The following DOCK9 variants were observed in gnomAD, a reference collection of about 807,000 sequenced individuals.
The protein encoded by DOCK9 is dedicator of cytokinesis 9, also known as dedicator of cytokinesis protein 9.
Under a neutral mutation model 263.3 loss-of-function variants are expected in DOCK9, and 89 were observed. That is an observed-to-expected ratio of 0.34 (90% CI 0.28 to 0.40). The LOEUF (loss-of-function observed/expected upper bound fraction) is 0.40, where lower values mean the gene tolerates loss of function less well. DOCK9 is among the 10% of genes least tolerant of loss of function. DOCK9 has a pLI of 1.00. For missense variants in DOCK9, 2,140 were observed against 2,603.4 expected (o/e 0.82, Z 3.87); for synonymous variants, 976 against 973.1 (o/e 1.00, Z -0.06).
intron 1 of DOCK9, among the ~76,000 whole-genome samples, chr13:98,976,684 C>T (rs1212712810): frequency 2.6e-5 from 4 of 152,116 alleles, no homozygotes; most frequent in Non-Finnish European, 5.9e-5. Context: ...AGAAAAGAAA[C>T]CTAAATCTCT....
chr13:98,942,143 C>T (rs1417575677), intron 2 of DOCK9, among the ~76,000 whole-genome samples: 1 of 152,124 alleles, frequency 6.6e-6, no homozygotes, highest in Non-Finnish European at 1.5e-5. Context: ...TTGCACTCAA[C>T]CTTGAGGTAG....
At chr13:98,918,673 T>G (rs549969814) in intron 7 of DOCK9, among the ~76,000 whole-genome samples, 5 of 152,262 alleles carry the variant, frequency 3.3e-5, no homozygotes, top group Admixed American at 2.0e-4. Context: ...CTAGCCAAAC[T>G]ATGAGTCAAG....
At chr13:98,917,707 T>C (rs2051129318) in intron 7 of DOCK9, among the ~76,000 whole-genome samples, 1 of 151,984 alleles carries the variant, frequency 6.6e-6, no homozygotes, top group South Asian at 2.1e-4. Context: ...TTGCTTTTTG[T>C]ATCCTCTCAA....
intron 1 of DOCK9, among the ~76,000 whole-genome samples, chr13:98,993,200 G>T (rs1880212385): frequency 6.6e-6 from 1 of 152,178 alleles, no homozygotes; most frequent in South Asian, 2.1e-4. Flanking sequence ...GTATCTGGTA[G>T]TTAATACTTC....
At chr13:98,958,603 G>A (rs1000138143) in intron 1 of DOCK9, among the ~76,000 whole-genome samples, 2 of 152,232 alleles carry the variant, frequency 1.3e-5, no homozygotes, top group Non-Finnish European at 2.9e-5. Flanking sequence ...GCATGGCAGT[G>A]TTACAATAAA....
chr13:98,833,115 T>A (rs2092831612), intron 39 of DOCK9: 1 of 151,592 alleles, frequency 6.6e-6, no homozygotes, highest in Admixed American at 6.6e-5. Context: ...GGGGAGCAAT[T>A]TAATGAGCAG....
chr13:98,927,638 T>A (rs1233956326), intron 3 of DOCK9, among the ~76,000 whole-genome samples: 4 of 152,032 alleles, frequency 2.6e-5, no homozygotes, highest in Non-Finnish European at 4.4e-5. Context: ...TATTTTTTTT[T>A]AAGACGGAAT....
In DOCK9 at chr13:99,036,473, C is replaced by T. The variant is rs372509620; in HGVS notation, c.129+49750G>A. Among the ~76,000 whole-genome samples, 152 of 152,304 alleles carry T rather than the reference C, an allele frequency of 1.0e-3. 2 individuals are homozygous for T. The highest frequency in any genetic ancestry group is 3.5e-3 in the African/African-American group (146 of 41,562). On this transcript the variant is annotated intron_variant, in intron 1 of 32. Transcript: ENST00000427887. ...CCCAACCATGCTGGCACCATGATCTCGAACTTCTGGCCTCCAGAACTGTGA... is the reference window on the plus strand; with the variant it reads ...CCCAACCATGCTGGCACCATGATCTTGAACTTCTGGCCTCCAGAACTGTGA...
chr13:99,046,853 T>C (rs1170991010), intron 1 of DOCK9, among the ~76,000 whole-genome samples: 1 of 152,230 alleles, frequency 6.6e-6, no homozygotes, highest in Non-Finnish European at 1.5e-5. Context: ...ATGCCTGCGT[T>C]TAAGGTACAA....
rs1427952578 is a variant in DOCK9 at position 98,831,679 on chromosome 13, G to A, written c.4422C>T (p.Val1474=). 6.2e-7 allele frequency: 1 copy of A among 1,613,822 alleles called. No individual in the cohort carries two copies. Among genetic ancestry groups the A allele is most frequent in the East Asian group, 2.2e-5 (1 of 44,884 alleles). ...AAATTAAGGACCTTAAGGCAGTGAAGACATTTTTTAAAGCCGTTTCAGACT... is the reference window on the plus strand; with the variant it reads ...AAATTAAGGACCTTAAGGCAGTGAAAACATTTTTTAAAGCCGTTTCAGACT... ...KHQSETALKN[V]FTALRSLIYK... Residue 1474 remains valine (V), a synonymous_variant, in exon 40 of 53, where the codon GTC becomes GTT. Coordinates refer to ENST00000682017, the MANE Select transcript of DOCK9 (RefSeq NM_001366683.2).
chr13:99,080,349 T>C (rs929715648), intron 1 of DOCK9, among the ~76,000 whole-genome samples: 11 of 152,200 alleles, frequency 7.2e-5, no homozygotes, highest in African/African-American at 1.9e-4. Flanking sequence ...AACAGTCACA[T>C]TATTTACTCT....
chr13:99,026,342 C>G (rs1422989485), intron 1 of DOCK9, among the ~76,000 whole-genome samples: 1 of 152,154 alleles, frequency 6.6e-6, no homozygotes, highest in African/African-American at 2.4e-5. Context: ...GTACATCAAT[C>G]CAAAGTTGAA....
At chr13:98,901,538 T>C (rs1040109535) in intron 13 of DOCK9, among the ~76,000 whole-genome samples, 1 of 151,838 alleles carries the variant, frequency 6.6e-6, no homozygotes, top group African/African-American at 2.4e-5. Flanking sequence ...GGTAATTCCT[T>C]TGCAAATTAT....
chr13:98,911,355 C>G (rs2049993142), intron 9 of DOCK9, among the ~76,000 whole-genome samples: 3 of 152,144 alleles, frequency 2.0e-5, no homozygotes, highest in South Asian at 2.1e-4. Context: ...GAGGTGATGG[C>G]TATCCCAATT....
At chr13:98,920,212 T>A (rs547248467) in intron 7 of DOCK9, among the ~76,000 whole-genome samples, 41 of 152,356 alleles carry the variant, frequency 2.7e-4, no homozygotes, top group African/African-American at 9.9e-4. Flanking sequence ...ATTGTCTGAT[T>A]TTTTACAAGA....
intron 1 of DOCK9, among the ~76,000 whole-genome samples, chr13:98,999,316 A>ACACTCTCTCTCT: frequency 1.2e-4 from 16 of 138,368 alleles, no homozygotes; most frequent in African/African-American, 3.7e-4. Context: ...ACACACACAC[A>ACACTCTCTCTCT]CTCTCTCTCT....
chr13:98,805,180 A>G lies in DOCK9; in HGVS notation c.5544T>C (p.Tyr1848=). 6.2e-7 allele frequency: 1 copy of G among 1,602,982 alleles called. No individual in the cohort carries two copies. Among genetic ancestry groups the G allele is most frequent in the Non-Finnish European group, 8.5e-7 (1 of 1,173,660 alleles). The part of the protein sequence containing the change: ...KVNPKDLDSK[Y]AYIQVTHVIP... The stretch of plus-strand genomic sequence containing the variant: ...TGACGTGAGTCACCTGGATGTATGC[A>G]TACTTAGAATCCAGATCCTTAGGGT... Residue 1848 remains tyrosine (Y), a synonymous_variant, in exon 49 of 53, where the codon TAT becomes TAC. Transcript: ENST00000682017.
chr13:98,800,279 C>T lies in DOCK9; in HGVS notation c.5916+9G>A, dbSNP rs1387830192. 6.3e-7 allele frequency: 1 copy of T among 1,588,596 alleles called. No individual in the cohort carries two copies. Among genetic ancestry groups the T allele is most frequent in the South Asian group, 1.1e-5 (1 of 87,082 alleles). Reference sequence around the variant, plus strand: ...CCTGCTGCCCTCCGGCCTGCTGTGCCTGGCTCACCTGAACACTCACGCTGC... The same window carrying T: ...CCTGCTGCCCTCCGGCCTGCTGTGCTTGGCTCACCTGAACACTCACGCTGC... On this transcript the variant is annotated intron_variant, in intron 50 of 52. Coordinates refer to ENST00000682017, the MANE Select transcript of DOCK9 (RefSeq NM_001366683.2).
chr13:99,002,635 G>A (rs1390385504), intron 1 of DOCK9, among the ~76,000 whole-genome samples: 1 of 152,156 alleles, frequency 6.6e-6, no homozygotes. Flanking sequence ...GCTAGACCAG[G>A]CTCCCCATTC....
Sources: allele counts gnomAD v4.1 joint callset (sites outside exome capture counted in the v4.1 genomes callset), GRCh38; gene constraint gnomAD v4.1.1; transcripts MANE v1.5; gene names NCBI Gene and HGNC (gene_info 2026-07-23, HGNC 2026-07-21).